ABCG2: variants seen among roughly 807,000 people sequenced by gnomAD.
ABCG2 encodes the protein broad substrate specificity ATP-binding cassette transporter ABCG2.
A neutral mutation model predicts 73.5 loss-of-function variants in ABCG2; 80 were observed. That is an observed-to-expected ratio of 1.09 (90% CI 0.91 to 1.31). The LOEUF is 1.31. Among genes scored for constraint, ABCG2 ranks in the 50% most tolerant of loss-of-function variants. The pLI, the probability that ABCG2 is intolerant of heterozygous loss-of-function variation, is 0.00. For missense variants in ABCG2, 796 were observed against 786.2 expected (o/e 1.01, Z -0.15); for synonymous variants, 269 against 282.4 (o/e 0.95, Z 0.48).
intron 1 of ABCG2, among the ~76,000 whole-genome samples, chr4:88,194,546 T>C (rs1261018904): frequency 6.6e-5 from 2 of 30,308 alleles, no homozygotes; most frequent in South Asian, 2.1e-3. Context: ...CCAGACTCCG[T>C]CTCAAAAAAA....
chr4:88,188,373 T>A, intron 1 of ABCG2, among the ~76,000 whole-genome samples: 1 of 152,152 alleles, frequency 6.6e-6, no homozygotes, highest in East Asian at 1.9e-4. Flanking sequence ...CTATTTTAAT[T>A]ACAATTAACT....
intron 1 of ABCG2, among the ~76,000 whole-genome samples, chr4:88,207,834 G>A (rs545325646): frequency 8.5e-5 from 13 of 152,212 alleles, no homozygotes; most frequent in Admixed American, 5.2e-4. Flanking sequence ...CATAGCCACC[G>A]CACCCAACCT....
At chr4:88,095,351 C>G (rs913159107) in intron 14 of ABCG2, among the ~76,000 whole-genome samples, 169 bp downstream of exon 14, 2 of 152,156 alleles carry the variant, frequency 1.3e-5, no homozygotes, top group African/African-American at 4.8e-5. Flanking sequence ...GACTCCCCAG[C>G]CTTGTGTTAA....
chr4:88,106,998 C>T (rs1488343944), intron 10 of ABCG2, among the ~76,000 whole-genome samples, 186 bp downstream of exon 10: 3 of 152,234 alleles, frequency 2.0e-5, no homozygotes, highest in Admixed American at 1.3e-4. Context: ...GCTGAGATCG[C>T]GTCACTGCAC....
chr4:88,109,240 T>C (rs2109998969), intron 9 of ABCG2, among the ~76,000 whole-genome samples: 1 of 152,136 alleles, frequency 6.6e-6, no homozygotes, highest in Non-Finnish European at 1.5e-5. Flanking sequence ...CCTCATGATC[T>C]GCCCGCCTTG....
chr4:88,185,096 C>T (rs368130229), intron 1 of ABCG2, among the ~76,000 whole-genome samples: 4 of 152,266 alleles, frequency 2.6e-5, no homozygotes, highest in South Asian at 2.1e-4. Context: ...GGCGAGGTGG[C>T]TCACACCTGT....
intron 1 of ABCG2, among the ~76,000 whole-genome samples, chr4:88,180,585 A>T (rs577173982): frequency 1.2e-4 from 19 of 152,224 alleles, no homozygotes; most frequent in South Asian, 4.1e-4. Flanking sequence ...AAAAAATTTT[A>T]AATTTTTAAA....
At chr4:88,100,572 C>T (rs1722336383) in intron 11 of ABCG2, among the ~76,000 whole-genome samples, 1 of 151,312 alleles carries the variant, frequency 6.6e-6, no homozygotes, top group Admixed American at 6.6e-5. Flanking sequence ...ACTGCGTAAG[C>T]CCCGCAGGTC....
At position 88,136,893 on chromosome 4, in the gene ABCG2, G is replaced by A. The variant is rs553177994; in HGVS notation, c.203+2900C>T. ...TAGCTGGGCATGGTGGTGGGCACCTGTAGTCCCAGCTAGGAGGCTGAGGCA... is the reference window on the plus strand; with the variant it reads ...TAGCTGGGCATGGTGGTGGGCACCTATAGTCCCAGCTAGGAGGCTGAGGCA... On this transcript the variant is annotated intron_variant, in intron 2 of 15. Coordinates refer to ENST00000237612, the MANE Select transcript of ABCG2 (RefSeq NM_004827.3). Among the ~76,000 whole-genome samples the A allele has an allele frequency of 1.4e-3, 216 of 151,122 alleles. 1 individual carries two copies. Among genetic ancestry groups the A allele is most frequent in the South Asian group, 4.0e-3 (19 of 4,780 alleles).
At chr4:88,191,040 T>A (rs1247383415) in intron 1 of ABCG2, among the ~76,000 whole-genome samples, 1 of 150,464 alleles carries the variant, frequency 6.6e-6, no homozygotes, top group Non-Finnish European at 1.5e-5. Context: ...ATCAAGACCA[T>A]CCTGGCTAAC....
intron 5 of ABCG2, among the ~76,000 whole-genome samples, chr4:88,128,482 T>C (rs1181468587): frequency 6.6e-6 from 1 of 152,210 alleles, no homozygotes. Context: ...CATGTATTTA[T>C]TGCAGCACTA....
chr4:88,146,485 C>T (rs1726011257), intron 1 of ABCG2, among the ~76,000 whole-genome samples: 1 of 146,528 alleles, frequency 6.8e-6, no homozygotes, highest in Admixed American at 6.7e-5. Context: ...AGCTCTGCCT[C>T]CCAGGTTCAA....
intron 1 of ABCG2, among the ~76,000 whole-genome samples, chr4:88,143,915 C>A (rs1279660962): frequency 1.3e-5 from 2 of 152,200 alleles, no homozygotes; most frequent in African/African-American, 4.8e-5. Context: ...AGACTCATCT[C>A]AAAGTGCCCG....
intron 1 of ABCG2, among the ~76,000 whole-genome samples, chr4:88,220,992 G>A (rs1729992777): frequency 6.6e-6 from 1 of 152,138 alleles, no homozygotes; most frequent in South Asian, 2.1e-4. Context: ...TCTCTGGCTG[G>A]GTACAGTGGC....
intron 10 of ABCG2, among the ~76,000 whole-genome samples, chr4:88,102,084 A>G (rs1025751366): frequency 6.6e-6 from 1 of 152,194 alleles, no homozygotes; most frequent in Admixed American, 6.5e-5. Context: ...ACCTTCAATC[A>G]ACCCCTTATT....
chr4:88,127,911 T>A (rs190774676), intron 5 of ABCG2, among the ~76,000 whole-genome samples: 3 of 138,864 alleles, frequency 2.2e-5, no homozygotes, highest in African/African-American at 5.4e-5. Flanking sequence ...AATTGACAAA[T>A]GGGATCTAAT....
chr4:88,150,007 A>C (rs1293870929), intron 1 of ABCG2, among the ~76,000 whole-genome samples: 1 of 151,844 alleles, frequency 6.6e-6, no homozygotes, highest in Non-Finnish European at 1.5e-5. Flanking sequence ...ACGGAGAAAA[A>C]AAATTAAAGC....
chr4:88,181,990 A>G (rs1188924628), intron 1 of ABCG2, among the ~76,000 whole-genome samples: 1 of 152,154 alleles, frequency 6.6e-6, no homozygotes, highest in Non-Finnish European at 1.5e-5. Flanking sequence ...GAGTCGTCAA[A>G]TGGATTAAAA....
At chr4:88,124,220 T>C (rs1008437661) in intron 5 of ABCG2, among the ~76,000 whole-genome samples, 1 of 152,158 alleles carries the variant, frequency 6.6e-6, no homozygotes, top group African/African-American at 2.4e-5. Context: ...TACCAAATTG[T>C]AAAGACCATC....
Sources: allele counts gnomAD v4.1 joint callset (sites outside exome capture counted in the v4.1 genomes callset), GRCh38; gene constraint gnomAD v4.1.1; transcripts MANE v1.5; gene names NCBI Gene and HGNC (gene_info 2026-07-23, HGNC 2026-07-21).